The following RANBP2 variants were observed in gnomAD, a reference collection of about 807,000 sequenced individuals.
The protein encoded by RANBP2 is E3 SUMO-protein ligase RanBP2.
RANBP2 carries 57 observed loss-of-function variants against 303.6 expected under a neutral mutation model. The observed-to-expected ratio is 0.19, with a 90% CI of 0.15 to 0.23. The LOEUF (loss-of-function observed/expected upper bound fraction) is 0.23, where lower values mean the gene tolerates loss of function less well. RANBP2 is among the 10% of genes least tolerant of loss of function. The pLI, the probability that RANBP2 is intolerant of heterozygous loss-of-function variation, is 1.00. For missense variants in RANBP2, 3,138 were observed against 3,780.8 expected, an observed-to-expected ratio of 0.83 and a Z score of 4.46; for synonymous variants, 1,167 against 1,301.5, an observed-to-expected ratio of 0.90 and a Z score of 2.23.
the RANBP2 span, among the ~76,000 whole-genome samples, chr2:109,011,912 T>C: frequency 2.0e-5 from 3 of 152,126 alleles, no homozygotes; most frequent in Non-Finnish European, 1.5e-5. Flanking sequence ...TGTATGTGCA[T>C]ATGTGTGTGT....
chr2:109,187,753 CTGTA>C, the RANBP2 span, among the ~76,000 whole-genome samples: 32 of 152,194 alleles, frequency 2.1e-4, no homozygotes, highest in African/African-American at 7.7e-4. Context: ...GTATATATGT[CTGTA>C]TGTCCACACA....
the RANBP2 span, among the ~76,000 whole-genome samples, chr2:109,368,698 G>T: frequency 7.2e-6 from 1 of 138,314 alleles, no homozygotes; most frequent in African/African-American, 2.8e-5. Flanking sequence ...GGATATCATG[G>T]TATTTTCTTT....
the RANBP2 span, among the ~76,000 whole-genome samples, chr2:109,357,276 G>A: frequency 6.6e-6 from 1 of 151,842 alleles, no homozygotes; most frequent in Non-Finnish European, 1.5e-5. Context: ...CCGCCTCCCA[G>A]GCTCATGCCA....
At chr2:109,728,302 A>C in the RANBP2 span, among the ~76,000 whole-genome samples, 1 of 152,250 alleles carries the variant, frequency 6.6e-6, no homozygotes, top group South Asian at 2.1e-4. Context: ...GTCCTCACTA[A>C]GCCTTGCCCA....
chr2:108,742,078 C>G (rs1696151873), intron 7 of RANBP2, among the ~76,000 whole-genome samples: 1 of 151,800 alleles, frequency 6.6e-6, no homozygotes, highest in Non-Finnish European at 1.5e-5. Flanking sequence ...TCACTGCAAC[C>G]TCTGCCTTCC....
chr2:108,861,665 G>A, the RANBP2 span, among the ~76,000 whole-genome samples: 2 of 151,926 alleles, frequency 1.3e-5, no homozygotes, highest in Admixed American at 1.3e-4. Flanking sequence ...ATTTTTAGTA[G>A]AGACAGGGTT....
chr2:109,156,080 T>C, the RANBP2 span, among the ~76,000 whole-genome samples: 1 of 152,224 alleles, frequency 6.6e-6, no homozygotes, highest in Non-Finnish European at 1.5e-5. Context: ...TCCTCTCCTC[T>C]TTGGCTGCCA....
chr2:108,782,697 T>A lies in RANBP2; in HGVS notation c.9204T>A (p.Phe3068Leu), dbSNP rs2149332958. 6.2e-6 allele frequency: 10 copies of A among 1,614,226 alleles called. No homozygotes were observed. The highest frequency in any genetic ancestry group is 8.5e-6 in the Non-Finnish European group (10 of 1,180,028). The change falls in exon 28 of 29, where the codon TTT becomes TTA. Residue 3068 changes from phenylalanine to leucine, a missense_variant. By Grantham distance (22) the Phe-to-Leu change is conservative. Around this residue, in one of 20 missense-constraint regions of RANBP2, gnomAD observed 204 missense variants for 228.4 expected, o/e 0.89. Transcript: ENST00000283195. Reference sequence around the variant, plus strand: ...AGGAGACCAATCCTGTGGTGTTTTTTGATGTTTGTGCGGACGGTGAACCTC... The same window carrying A: ...AGGAGACCAATCCTGTGGTGTTTTTAGATGTTTGTGCGGACGGTGAACCTC... ...LSKETNPVVF[F>L]DVCADGEPLG...
the RANBP2 span, among the ~76,000 whole-genome samples, chr2:109,529,706 T>C: frequency 6.6e-6 from 1 of 152,090 alleles, no homozygotes; most frequent in African/African-American, 2.4e-5. Flanking sequence ...AGGAAGGGAA[T>C]CTCAGAAGGA....
At chr2:109,292,995 G>T in the RANBP2 span, among the ~76,000 whole-genome samples, 5 of 152,316 alleles carry the variant, frequency 3.3e-5, no homozygotes, top group African/African-American at 9.6e-5. Context: ...GCCTCCCAAA[G>T]TTCTGGGATT....
chr2:109,325,331 CTTTTTTTTTTTTTTT>C, the RANBP2 span, among the ~76,000 whole-genome samples: 15 of 66,272 alleles, frequency 2.3e-4, no homozygotes, highest in South Asian at 9.3e-3. Context: ...TTCTTTCTTT[CTTTTTTTTTTTTTTT>C]TTTTTTTTTT....
At chr2:109,156,272 A>T in the RANBP2 span, among the ~76,000 whole-genome samples, 2 of 152,176 alleles carry the variant, frequency 1.3e-5, no homozygotes, top group East Asian at 3.9e-4. Flanking sequence ...ACCACCAGAG[A>T]TCGAGTTGCT....
At chr2:109,240,336 A>C in the RANBP2 span, among the ~76,000 whole-genome samples, 1 of 152,192 alleles carries the variant, frequency 6.6e-6, no homozygotes, top group South Asian at 2.1e-4. Context: ...AAATACAAAA[A>C]AATTAGTCAG....
intron 7 of RANBP2, among the ~76,000 whole-genome samples, chr2:108,745,753 G>A (rs538125891): frequency 0.013 from 1,934 of 152,010 alleles, 40 homozygotes; most frequent in African/African-American, 0.045. Flanking sequence ...TTAAAGTAGG[G>A]TGTCATATCT....
At chr2:109,341,277 A>G in the RANBP2 span, among the ~76,000 whole-genome samples, 1 of 152,274 alleles carries the variant, frequency 6.6e-6, no homozygotes, top group African/African-American at 2.4e-5. Context: ...TTGCAGTGTG[A>G]TAACAGTAAC....
chr2:109,731,768 A>G, the RANBP2 span, among the ~76,000 whole-genome samples: 1 of 152,024 alleles, frequency 6.6e-6, no homozygotes, highest in African/African-American at 2.4e-5. Context: ...GATTACAGGC[A>G]GGAGCCACTG....
At chr2:108,775,652 TC>T (rs1355836817) in intron 23 of RANBP2, 79 bp from the exon 24 acceptor site, 2 of 1,483,586 alleles carry the variant, frequency 1.3e-6, no homozygotes, top group Non-Finnish European at 1.9e-6. Context: ...AGTTCTCAAT[TC>T]CCTTTGAAAT....
the RANBP2 span, among the ~76,000 whole-genome samples, chr2:109,733,940 C>T: frequency 6.6e-6 from 1 of 151,212 alleles, no homozygotes; most frequent in African/African-American, 2.4e-5. Flanking sequence ...GGGAGGCCGA[C>T]GTGGGCCGCG....
chr2:108,906,446 G>A, the RANBP2 span: 1 of 1,499,114 alleles, frequency 6.7e-7, no homozygotes, highest in Non-Finnish European at 9.3e-7. Context: ...ATGTCAGCAG[G>A]GGCAGGCAGC....
Sources: gnomAD v4.1 joint callset for allele counts (sites outside exome capture counted in the v4.1 genomes callset) on GRCh38, gnomAD v4.1.1 for gene constraint, gnomAD v4.1.1 regional missense constraint, MANE v1.5 for transcripts, NCBI Gene and HGNC (gene_info 2026-07-23, HGNC 2026-07-21) for gene names.